KL: variants seen among roughly 807,000 people sequenced by gnomAD.
KL encodes the protein alpha-klotho.
Under a neutral mutation model 84.2 loss-of-function variants are expected in KL, and 62 were observed. That is an observed-to-expected ratio of 0.74 (90% confidence interval 0.60 to 0.91). KL has a LOEUF of 0.91. Ranked by LOEUF, KL falls within the 40% of genes least tolerant of loss-of-function variation. The pLI, the probability that KL is intolerant of heterozygous loss-of-function variation, is 0.00. For synonymous variants in KL, 528 were observed against 528.0 expected (o/e 1.00, Z 0.00); for missense variants, 1,261 against 1,305.7 (o/e 0.97, Z 0.53).
At chr13:33,059,204 A>AT in intron 3 of KL, among the ~76,000 whole-genome samples, 1 of 152,168 alleles carries the variant, frequency 6.6e-6, no homozygotes, top group Non-Finnish European at 1.5e-5. Flanking sequence ...TTCCAGCTGG[A>AT]TTTTTCACTT....
At chr13:33,062,565 C>T (rs553054829) in intron 4 of KL, among the ~76,000 whole-genome samples, 4 of 142,734 alleles carry the variant, frequency 2.8e-5, no homozygotes, top group Admixed American at 1.5e-4. Flanking sequence ...CTCAGCTACT[C>T]GGGAGGCTGA....
In KL at chr13:33,053,869, A is replaced by G; in HGVS notation, c.922A>G (p.Met308Val). 6.2e-7 allele frequency: 1 copy of G among 1,614,190 alleles called. No homozygotes were observed. Among genetic ancestry groups the G allele is most frequent in the Non-Finnish European group, 8.5e-7 (1 of 1,180,036 alleles). The change falls in exon 2 of 5, where the codon ATG becomes GTG. Residue 308 changes from methionine (M) to valine (V), a missense_variant. By Grantham distance (21) the Met-to-Val change is conservative. Transcript: ENST00000380099. ...LSSHWINPRR[M>V]TDHSIKECQK... ...CTCTCACTGGATCAATCCTCGAAGA[A>G]TGACCGACCACAGCATCAAAGAATG...
At chr13:33,056,412 C>A (rs1301099325) in intron 3 of KL, among the ~76,000 whole-genome samples, 1 of 152,202 alleles carries the variant, frequency 6.6e-6, no homozygotes, top group African/African-American at 2.4e-5. Context: ...AATAAATTAA[C>A]ACCATCCTTA....
chr13:33,066,053 C>T lies in KL; in HGVS notation c.*1867C>T, dbSNP rs904730154. Reference sequence around the variant, plus strand: ...TTGTTGCTACATTTACTTTAATTTCCTTGACTGTAAAGAGAAGTAATTTTG... The same window carrying T: ...TTGTTGCTACATTTACTTTAATTTCTTTGACTGTAAAGAGAAGTAATTTTG... On this transcript the variant is annotated 3_prime_UTR_variant, in exon 5 of 5. Transcript: ENST00000380099. 2 of 174,758 alleles carry T rather than the reference C, an allele frequency of 1.1e-5. No homozygotes were observed. Among genetic ancestry groups the T allele is most frequent in the Non-Finnish European group, 2.5e-5 (2 of 81,030 alleles). 10.8% of individuals were successfully genotyped at this position (174,758 alleles called of 1,614,324 possible). A position where few individuals can be genotyped will look rare whatever the true frequency, so the allele number is the denominator to read the frequency against.
At position 33,053,154 on chromosome 13, in the gene KL, A is replaced by G. The variant is rs1455770706; in HGVS notation, c.820-613A>G. On this transcript the variant is annotated intron_variant, in intron 1 of 4. Coordinates refer to ENST00000380099, the MANE Select transcript of KL (RefSeq NM_004795.4). ...ACCTAGCACCCTGGGTCTGTGGGAA[A>G]CCAGAACTGTCCCAGAGTTCTGGAG... is the stretch of plus-strand genomic sequence containing the variant. Among the ~76,000 whole-genome samples the G allele has an allele frequency of 2.6e-5, 4 of 152,102 alleles. No individual in the cohort carries two copies. The East Asian group carries it at 7.7e-4, about 29-fold the overall frequency.
rs533586224 is a variant in KL at position 33,065,072 on chromosome 13, A to G, written c.*886A>G. ...ATTATGATTAATCTGATTATACACC[A>G]TTTTTGAGCAGATCTTGGAATGAAT... On this transcript the variant is annotated 3_prime_UTR_variant, in exon 5 of 5. Coordinates refer to ENST00000380099, the MANE Select transcript of KL (RefSeq NM_004795.4). The G allele has an allele frequency of 1.8e-5, 4 of 227,940 alleles. No homozygotes were observed. The South Asian group carries it at 7.3e-4, about 42-fold the overall frequency. 14.1% of individuals were successfully genotyped at this position (227,940 alleles called of 1,614,324 possible). A position where few individuals can be genotyped will look rare whatever the true frequency, so the allele number is the denominator to read the frequency against.
chr13:33,027,708 G>A (rs1364148490), intron 1 of KL, among the ~76,000 whole-genome samples: 2 of 152,084 alleles, frequency 1.3e-5, no homozygotes, highest in Non-Finnish European at 2.9e-5. Context: ...GGTTACTGCT[G>A]TTGAAATATT....
intron 1 of KL, among the ~76,000 whole-genome samples, chr13:33,025,668 G>T (rs1870746466): frequency 6.6e-6 from 1 of 152,122 alleles, no homozygotes; most frequent in Non-Finnish European, 1.5e-5. Context: ...ACCAAGCAGT[G>T]CCCCAGGTGT....
chr13:33,028,199 G>A (rs1870846318), intron 1 of KL, among the ~76,000 whole-genome samples: 1 of 152,204 alleles, frequency 6.6e-6, no homozygotes, highest in African/African-American at 2.4e-5. Context: ...AACTGCAATG[G>A]CAGATTCAAA....
chr13:33,032,920 C>G (rs2138203417), intron 1 of KL, among the ~76,000 whole-genome samples: 1 of 152,108 alleles, frequency 6.6e-6, no homozygotes, highest in Non-Finnish European at 1.5e-5. Context: ...AAGAAAGAAT[C>G]TTTCCTTCCT....
chr13:33,054,272 T>C lies in KL; in HGVS notation c.1325T>C (p.Leu442Ser). The C allele has an allele frequency of 6.2e-7, 1 of 1,613,272 alleles. No homozygotes were observed. The highest frequency in any genetic ancestry group is 8.5e-7 in the Non-Finnish European group (1 of 1,179,852). Residue 442 changes from leucine to serine, a missense_variant, in exon 2 of 5, where the codon TTA becomes TCA. Leu to Ser is a moderately radical substitution (Grantham distance 145, BLOSUM62 -2). Coordinates refer to ENST00000380099, the MANE Select transcript of KL (RefSeq NM_004795.4). ...CTCAAAAAGTTCATCATGGAAACCTTAAAAGGTATGATTGTGGGTAAAGTT... is the reference window on the plus strand; with the variant it reads ...CTCAAAAAGTTCATCATGGAAACCTCAAAAGGTATGATTGTGGGTAAAGTT... ...YYLKKFIMET[L>S]KAIKLDGVDV...
intron 1 of KL, among the ~76,000 whole-genome samples, chr13:33,023,085 G>T (rs1458809720): frequency 6.6e-6 from 1 of 152,208 alleles, no homozygotes; most frequent in East Asian, 1.9e-4. Context: ...TCAAGTGCCT[G>T]ACCTGGAAGC....
At position 33,064,056 on chromosome 13, in the gene KL, G is replaced by A; in HGVS notation, c.2909G>A (p.Cys970Tyr). Residue 970 changes from cysteine (C) to tyrosine (Y), a missense_variant, in exon 5 of 5, where the codon TGT becomes TAT. Transcript: ENST00000380099. ...ERFCPEEFTV[C>Y]TECSFFHTRK... ...TTTTGTCCAGAAGAATTCACCGTGT[G>A]TACTGAGTGCAGTTTTTTTCACACC... 6.2e-7 allele frequency: 1 copy of A among 1,614,172 alleles called. No individual in the cohort carries two copies. The highest frequency in any genetic ancestry group is 8.5e-7 in the Non-Finnish European group (1 of 1,180,016).
chr13:33,033,265 A>T (rs1225542004), intron 1 of KL, among the ~76,000 whole-genome samples: 2 of 152,348 alleles, frequency 1.3e-5, no homozygotes, highest in East Asian at 3.9e-4. Flanking sequence ...AGTGAGAAAT[A>T]CGGGAGATGG....
chr13:33,060,833 T>G lies in KL; in HGVS notation c.1754T>G (p.Leu585Arg). The change falls in exon 4 of 5, where the codon CTC becomes CGC. Residue 585 changes from leucine to arginine, a missense_variant. Leu to Arg is a moderately radical substitution (Grantham distance 102). Coordinates refer to ENST00000380099, the MANE Select transcript of KL (RefSeq NM_004795.4). ...GCCATCCAGCCCCAGATCGCTTTACTCCAGGAAATGCACGTTACACATTTT... is the reference window on the plus strand; with the variant it reads ...GCCATCCAGCCCCAGATCGCTTTACGCCAGGAAATGCACGTTACACATTTT... ...FAAIQPQIAL[L>R]QEMHVTHFRF... 2 of 1,614,214 alleles carry G rather than the reference T, an allele frequency of 1.2e-6. No individual in the cohort carries two copies. Among genetic ancestry groups the G allele is most frequent in the Non-Finnish European group, 1.7e-6 (2 of 1,180,030 alleles).
At chr13:33,055,739 C>T (rs983200965) in intron 3 of KL, among the ~76,000 whole-genome samples, 7 of 152,234 alleles carry the variant, frequency 4.6e-5, no homozygotes, top group Non-Finnish European at 7.3e-5. Context: ...AGAGGCACAA[C>T]TGTGGGCTCC....
rs866603267 is a variant in KL at position 33,019,897 on chromosome 13, G to A, written c.819+2638G>A. 1.4e-4 allele frequency among the ~76,000 whole-genome samples: 22 copies of A among 152,200 alleles called. No individual in the cohort carries two copies. The South Asian group carries it at 1.5e-3, about 10-fold the overall frequency. ...ATGCACCTTTTCTCTCGGACTTGAA[G>A]ACCAACTGCTCAGCCTTCACAGCTC... On this transcript the variant is annotated intron_variant, in intron 1 of 4. Transcript: ENST00000380099.
intron 1 of KL, among the ~76,000 whole-genome samples, chr13:33,034,072 T>C (rs918905280): frequency 6.6e-5 from 10 of 152,126 alleles, no homozygotes; most frequent in Admixed American, 1.3e-4. Flanking sequence ...CCAAGAGGCT[T>C]ATAGAGTGTT....
At chr13:33,020,329 A>G (rs1286449528) in intron 1 of KL, among the ~76,000 whole-genome samples, 2 of 151,906 alleles carry the variant, frequency 1.3e-5, no homozygotes, top group African/African-American at 4.8e-5. Context: ...CTCCCTGGCG[A>G]TTCCCTCTTA....
Sources: gnomAD v4.1 joint callset for allele counts (sites outside exome capture counted in the v4.1 genomes callset) on GRCh38, gnomAD v4.1.1 for gene constraint, MANE v1.5 for transcripts, NCBI Gene and HGNC (gene_info 2026-07-23, HGNC 2026-07-21) for gene names.